SYT16: variants seen among roughly 807,000 people sequenced by gnomAD.
SYT16 encodes the protein synaptotagmin-16.
In SYT16, 42 loss-of-function variants were observed where a neutral mutation model predicts 61.4. The observed-to-expected ratio is 0.68, with a 90% confidence interval of 0.53 to 0.89. The LOEUF (loss-of-function observed/expected upper bound fraction) is 0.89. SYT16 is among the 40% of genes least tolerant of loss of function. The probability of loss-of-function intolerance (pLI) is 0.00; values close to 1 mark genes in which losing one functional copy is unlikely to be tolerated. For missense variants in SYT16, 804 were observed against 807.3 expected (o/e 1.00, Z 0.05); for synonymous variants, 314 against 302.3 (o/e 1.04, Z -0.40).
At chr14:62,034,685 A>G (rs1163294327) in intron 3 of SYT16, among the ~76,000 whole-genome samples, 2 of 144,180 alleles carry the variant, frequency 1.4e-5, no homozygotes, top group African/African-American at 5.1e-5. Context: ...TATGCTGACT[A>G]GGGCTGAGGG....
In SYT16 at chr14:62,101,341, G is replaced by A. The variant is rs1360013343; in HGVS notation, c.*634G>A. ...TGGTTTCTATGAGATTTGGTTAGATGAATCATTTTGAAGCAAGAAAAGAGT... is the reference window on the plus strand; with the variant it reads ...TGGTTTCTATGAGATTTGGTTAGATAAATCATTTTGAAGCAAGAAAAGAGT... On this transcript the variant is annotated 3_prime_UTR_variant, in exon 8 of 8. Transcript: ENST00000683842. 6.6e-6 allele frequency: 1 copy of A among 152,036 alleles called. No individual in the cohort carries two copies. The highest frequency in any genetic ancestry group is 1.5e-5 in the Non-Finnish European group (1 of 67,988). 9.4% of individuals were successfully genotyped at this position (152,036 alleles called of 1,614,324 possible). A position where few individuals can be genotyped will look rare whatever the true frequency, so the allele number is the denominator to read the frequency against.
At chr14:62,010,341 T>G (rs2053394997) in intron 3 of SYT16, among the ~76,000 whole-genome samples, 1 of 152,170 alleles carries the variant, frequency 6.6e-6, no homozygotes, top group East Asian at 1.9e-4. Flanking sequence ...GAATGCTACC[T>G]TAATAGGGTG....
chr14:62,067,408 G>A (rs1298680701), intron 3 of SYT16, among the ~76,000 whole-genome samples: 1 of 152,088 alleles, frequency 6.6e-6, no homozygotes, highest in African/African-American at 2.4e-5. Context: ...CGATGTGAAG[G>A]AGCCAGACAT....
chr14:62,057,365 A>G, intron 3 of SYT16, among the ~76,000 whole-genome samples: 1 of 152,200 alleles, frequency 6.6e-6, no homozygotes. Context: ...GTATCATTGT[A>G]TTCAGAGTTA....
intron 1 of SYT16, among the ~76,000 whole-genome samples, chr14:61,872,414 A>AT (rs781387199): frequency 1.1e-4 from 16 of 151,898 alleles, no homozygotes; most frequent in Non-Finnish European, 2.1e-4. Context: ...TTTATTTATA[A>AT]TTTTCTCCCT....
intron 1 of SYT16, among the ~76,000 whole-genome samples, chr14:61,916,250 A>G (rs2049116377): frequency 6.6e-6 from 1 of 152,152 alleles, no homozygotes; most frequent in African/African-American, 2.4e-5. Flanking sequence ...TTCAGGAAAT[A>G]TCCATTACTT....
intron 2 of SYT16, among the ~76,000 whole-genome samples, chr14:61,987,717 G>T (rs1280830338): frequency 6.7e-6 from 1 of 148,798 alleles, no homozygotes; most frequent in Admixed American, 6.8e-5. Context: ...TTGTGTTATG[G>T]TGGAGGGATT....
At chr14:61,911,382 T>C (rs1290483949) in intron 1 of SYT16, among the ~76,000 whole-genome samples, 16 of 152,220 alleles carry the variant, frequency 1.1e-4, no homozygotes, top group Admixed American at 1.0e-3. Context: ...TTTGGCCAAT[T>C]TGGAGGGGCA....
chr14:61,824,091 T>A (rs957293607), intron 1 of SYT16, among the ~76,000 whole-genome samples: 6 of 152,190 alleles, frequency 3.9e-5, no homozygotes, highest in Admixed American at 6.5e-5. Context: ...GAGTCTGAAC[T>A]CACTTTATTA....
At chr14:61,918,276 A>G (rs894580993) in intron 1 of SYT16, among the ~76,000 whole-genome samples, 1 of 152,194 alleles carries the variant, frequency 6.6e-6, no homozygotes, top group Non-Finnish European at 1.5e-5. Flanking sequence ...AAGGACCCAG[A>G]GATCTAAGTA....
At chr14:61,871,138 G>A (rs1256793767) in intron 1 of SYT16, among the ~76,000 whole-genome samples, 1 of 152,136 alleles carries the variant, frequency 6.6e-6, no homozygotes, top group African/African-American at 2.4e-5. Context: ...TAAATCATCC[G>A]ATAATCTACT....
intron 1 of SYT16, among the ~76,000 whole-genome samples, chr14:61,913,035 G>C (rs888132151): frequency 6.6e-6 from 1 of 152,124 alleles, no homozygotes; most frequent in African/African-American, 2.4e-5. Flanking sequence ...TCCAGATTTT[G>C]CTCAATGTGA....
intron 5 of SYT16, among the ~76,000 whole-genome samples, chr14:62,080,462 G>A (rs2056667517): frequency 2.6e-5 from 4 of 152,174 alleles, no homozygotes; most frequent in Admixed American, 2.6e-4. Flanking sequence ...AGGGACACAA[G>A]GAAAAGTTGC....
chr14:61,902,052 C>T (rs1376605240), intron 1 of SYT16, among the ~76,000 whole-genome samples: 2 of 152,124 alleles, frequency 1.3e-5, no homozygotes, highest in East Asian at 1.9e-4. Flanking sequence ...GGTGAGCCAC[C>T]GTTCCAGACC....
intron 2 of SYT16, among the ~76,000 whole-genome samples, chr14:61,986,954 CTG>C (rs1425695474): frequency 2.0e-5 from 3 of 152,116 alleles, no homozygotes; most frequent in Non-Finnish European, 2.9e-5. Context: ...TTAACCTACT[CTG>C]TGATCTCATA....
chr14:61,877,590 A>T (rs1566645954), intron 1 of SYT16, among the ~76,000 whole-genome samples: 1 of 152,156 alleles, frequency 6.6e-6, no homozygotes, highest in African/African-American at 2.4e-5. Flanking sequence ...TTTTCTCCTT[A>T]GCCCCTGCTA....
Position 61,938,910 on chromosome 14 carries a change from G to A in SYT16, c.-324-31222G>A, listed in dbSNP as rs372393272. On this transcript the variant is annotated intron_variant, in intron 1 of 7. Transcript: ENST00000683842. ...AGCACTTTGGGAGGCCAAGGCGGGCGGATCACTTAAGGTCAGGAGCCCGAG... is the reference window on the plus strand; with the variant it reads ...AGCACTTTGGGAGGCCAAGGCGGGCAGATCACTTAAGGTCAGGAGCCCGAG... 1.4e-4 allele frequency among the ~76,000 whole-genome samples: 22 copies of A among 152,308 alleles called. No homozygotes were observed. In the East Asian group the frequency reaches 1.5e-3, roughly 11 times the overall value.
chr14:62,062,610 T>C (rs2055873807), intron 3 of SYT16, among the ~76,000 whole-genome samples: 1 of 152,202 alleles, frequency 6.6e-6, no homozygotes, highest in African/African-American at 2.4e-5. Flanking sequence ...AATGGCCAGA[T>C]TGTGCTTTTA....
chr14:61,962,289 C>T lies in SYT16; in HGVS notation c.-324-7843C>T, dbSNP rs567041903. Among the ~76,000 whole-genome samples the T allele has an allele frequency of 2.6e-5, 4 of 152,102 alleles. No homozygotes were observed. In the Middle Eastern group the frequency reaches 0.01, roughly 388 times the overall value. On this transcript the variant is annotated intron_variant, in intron 1 of 7. Coordinates refer to ENST00000683842, the MANE Select transcript of SYT16 (RefSeq NM_001367656.1). ...TAAAAGTTAAAAAAAAAAGTTTTGC[C>T]AGGTAAATATTTTTGTTTTGTAGTT...
Sources: gnomAD v4.1 joint callset for allele counts (sites outside exome capture counted in the v4.1 genomes callset) on GRCh38, gnomAD v4.1.1 for gene constraint, MANE v1.5 for transcripts, NCBI Gene and HGNC (gene_info 2026-07-23, HGNC 2026-07-21) for gene names.